Variants in CMTR1 observed in about 807,000 individuals in gnomAD.
The protein encoded by CMTR1 is cap methyltransferase 1.
A neutral mutation model predicts 107.0 loss-of-function variants in CMTR1; 39 were observed. The observed-to-expected ratio is 0.36, with a 90% CI of 0.28 to 0.48. The LOEUF is 0.48. CMTR1 is among the 20% of genes least tolerant of loss of function. The pLI, the probability that CMTR1 is intolerant of heterozygous loss-of-function variation, is 0.99. For missense variants in CMTR1, 672 were observed against 1,064.9 expected, an observed-to-expected ratio of 0.63 and a Z score of 5.14; for synonymous variants, 366 against 379.5, an observed-to-expected ratio of 0.96 and a Z score of 0.41.
At chr6:37,468,878 G>A (rs1449738449) in intron 13 of CMTR1, among the ~76,000 whole-genome samples, 5 of 150,180 alleles carry the variant, frequency 3.3e-5, no homozygotes, top group Admixed American at 6.7e-5. Context: ...GTAAGACTCC[G>A]TCTCAAAAAA....
chr6:37,427,103 G>A, the CMTR1 span, among the ~76,000 whole-genome samples: 4 of 152,330 alleles, frequency 2.6e-5, 1 homozygote, highest in Admixed American at 2.6e-4. The surrounding 1 kb of genome is among the most constrained non-coding windows in gnomAD (Gnocchi z 4.4). Flanking sequence ...ATATGGCTGA[G>A]TGGTGGTGGA....
Position 37,478,500 on chromosome 6 carries a change from T to C in CMTR1, c.2245T>C (p.Tyr749His), listed in dbSNP as rs746826936. ...DDRHFVPMGL[Y>H]IVRTVNEPWT... Reference sequence around the variant, plus strand: ...CCGGCACTTTGTACCCATGGGCCTCTACATCGTCAGGACAGTGAATGGTGG... The same window carrying C: ...CCGGCACTTTGTACCCATGGGCCTCCACATCGTCAGGACAGTGAATGGTGG... The change falls in exon 22 of 24, where the codon TAC (tyrosine) becomes CAC (histidine). Residue 749 changes from tyrosine (Y) to histidine (H), a missense_variant. Tyr to His is a moderately conservative substitution (Grantham distance 83, BLOSUM62 2). Transcript: ENST00000373451. 1 of 1,613,870 alleles carries C rather than the reference T, an allele frequency of 6.2e-7. No homozygotes were observed. The highest frequency in any genetic ancestry group is 8.5e-7 in the Non-Finnish European group (1 of 1,179,790).
At chr6:37,477,904 C>G (rs759511365) in intron 21 of CMTR1, among the ~76,000 whole-genome samples, 2 of 152,204 alleles carry the variant, frequency 1.3e-5, no homozygotes, top group African/African-American at 2.4e-5. Flanking sequence ...GTCATAGTTA[C>G]GATGGGCCCT....
At chr6:37,465,465 T>C (rs977728919) in intron 13 of CMTR1, among the ~76,000 whole-genome samples, 2 of 152,242 alleles carry the variant, frequency 1.3e-5, no homozygotes, top group African/African-American at 4.8e-5. Context: ...CAACTAATTA[T>C]ATTGAACCCC....
Position 37,446,363 on chromosome 6 carries a change from T to G in CMTR1, c.358T>G (p.Ser120Ala). The change falls in exon 4 of 24, where the codon TCC (serine) becomes GCC (alanine). Residue 120 changes from serine (S) to alanine (A), a missense_variant. By Grantham distance (99) the Ser-to-Ala change is moderately conservative. Around this residue, in one of 2 missense-constraint regions of CMTR1, gnomAD observed 583 missense variants for 968.4 expected, o/e 0.60. Transcript: ENST00000373451. ...SQGRKDIVEA[S>A]SQKGRRGLGL... is the part of the protein sequence containing the mutation. ...GGGTCGGAAGGACATCGTTGAGGCTTCCAGTCAGAAAGGTCGAAGAGGCTT... is the reference window on the plus strand; with the variant it reads ...GGGTCGGAAGGACATCGTTGAGGCTGCCAGTCAGAAAGGTCGAAGAGGCTT... 1 of 1,614,156 alleles carries G rather than the reference T, an allele frequency of 6.2e-7. No homozygotes were observed. Among genetic ancestry groups the G allele is most frequent in the Non-Finnish European group, 8.5e-7 (1 of 1,180,030 alleles).
chr6:37,465,989 T>G (rs949707455), intron 13 of CMTR1, among the ~76,000 whole-genome samples: 2 of 152,120 alleles, frequency 1.3e-5, no homozygotes, highest in Non-Finnish European at 2.9e-5. Context: ...AAAATTTTGA[T>G]GTAATCCAAT....
At chr6:37,462,596 G>A (rs1761422544) in intron 12 of CMTR1, among the ~76,000 whole-genome samples, 1 of 152,218 alleles carries the variant, frequency 6.6e-6, no homozygotes, top group African/African-American at 2.4e-5. Context: ...GACACAGCCC[G>A]TCTGTCACAG....
intron 20 of CMTR1, 82 bp downstream of exon 20, chr6:37,476,276 G>T: frequency 7.0e-7 from 1 of 1,428,058 alleles, no homozygotes; most frequent in Non-Finnish European, 9.9e-7. Flanking sequence ...GGAGGGCTCA[G>T]TGGAGGGCAC....
At chr6:37,475,947 A>G in intron 19 of CMTR1, 179 bp from the exon 20 acceptor site, 1 of 612,146 alleles carries the variant, frequency 1.6e-6, no homozygotes, top group Non-Finnish European at 2.9e-6. Flanking sequence ...GGCATGAATA[A>G]AGACGTCGGT....
At chr6:37,462,223 G>T in intron 12 of CMTR1, 121 bp downstream of exon 12, 2 of 1,177,076 alleles carry the variant, frequency 1.7e-6, no homozygotes, top group Admixed American at 1.9e-5. Flanking sequence ...TTAAAGAAGT[G>T]ATGAGAGCCA....
Position 37,458,864 on chromosome 6 carries a change from G to A in CMTR1, c.976+54G>A, listed in dbSNP as rs1299630883. The A allele has an allele frequency of 3.9e-6, 6 of 1,537,570 alleles. No individual in the cohort carries two copies. Among genetic ancestry groups the A allele is most frequent in the African/African-American group, 1.4e-5 (1 of 73,388 alleles). On this transcript the variant is annotated intron_variant, in intron 9 of 23. Transcript: ENST00000373451. The surrounding 1 kb of genome is among the most constrained non-coding windows in gnomAD (Gnocchi z 4.7). ...GTATGAGGGACAGCCCCTCTATGGG[G>A]ACTTCAGGTCAGAAGCAGTTGTTAT...
At chr6:37,479,368 G>T in intron 23 of CMTR1, 113 bp downstream of exon 23, 1 of 781,232 alleles carries the variant, frequency 1.3e-6, no homozygotes. Flanking sequence ...TGCCCATGCA[G>T]GGGTTCCCCT....
chr6:37,475,507 T>G lies in CMTR1; in HGVS notation c.2036+95T>G, dbSNP rs776724302. 10 of 987,244 alleles carry G rather than the reference T, an allele frequency of 1.0e-5. No homozygotes were observed. The South Asian group carries it at 1.2e-4, about 11-fold the overall frequency. The allele number at this position is 987,244 out of a possible 1,614,324, so 61.2% of individuals were successfully genotyped here. A position where few individuals can be genotyped will look rare whatever the true frequency, so the allele number is the denominator to read the frequency against. Reference sequence around the variant, plus strand: ...CGAGGTGTGGCCCCTTATCTAGGCCTTCTCTGCTTGTTGACATCCTGAGAG... The same window carrying G: ...CGAGGTGTGGCCCCTTATCTAGGCCGTCTCTGCTTGTTGACATCCTGAGAG... On this transcript the variant is annotated intron_variant, in intron 19 of 23. Coordinates refer to ENST00000373451, the MANE Select transcript of CMTR1 (RefSeq NM_015050.3).
Position 37,476,156 on chromosome 6 carries a change from C to T in CMTR1, c.2067C>T (p.Ala689=), listed in dbSNP as rs139170430. 1.6e-3 allele frequency: 2,600 copies of T among 1,614,062 alleles called. 3 individuals carry two copies. Among genetic ancestry groups the T allele is most frequent in the Admixed American group, 2.9e-3 (175 of 60,010 alleles). The part of the protein sequence containing the change: ...RIQLAEKFVK[A]VSKPSRPDMN... The stretch of plus-strand genomic sequence containing the variant: ...AGCTTGCCGAGAAATTTGTGAAAGC[C>T]GTTTCCAAGCCTAGTCGGCCCGACA... Residue 689 remains alanine (A), a synonymous_variant, in exon 20 of 24, where the codon GCC becomes GCT. Transcript: ENST00000373451.
chr6:37,474,939 C>G (rs965345743), intron 18 of CMTR1, among the ~76,000 whole-genome samples: 14 of 152,108 alleles, frequency 9.2e-5, no homozygotes, highest in Non-Finnish European at 2.1e-4. Context: ...AGTTTTTGAC[C>G]AGAGATCCCT....
chr6:37,471,065 T>C lies in CMTR1; in HGVS notation c.1550T>C (p.Phe517Ser). 1 of 1,607,434 alleles carries C rather than the reference T, an allele frequency of 6.2e-7. No homozygotes were observed. Among genetic ancestry groups the C allele is most frequent in the South Asian group, 1.1e-5 (1 of 89,864 alleles). The part of the protein sequence containing the change: ...QIKALAKIHA[F>S]VQDTTLSEPR... ...AAAGCTCTGGCGAAAATCCATGCCT[T>C]TGTTCAAGACACGTGAGTGTTGCCC... Residue 517 changes from phenylalanine to serine, a missense_variant, in exon 14 of 24, where the codon TTT becomes TCT. Coordinates refer to ENST00000373451, the MANE Select transcript of CMTR1 (RefSeq NM_015050.3).
the CMTR1 span, among the ~76,000 whole-genome samples, chr6:37,426,360 G>A: frequency 1.3e-5 from 2 of 151,848 alleles, no homozygotes; most frequent in African/African-American, 4.8e-5. Flanking sequence ...ATGAATTTTT[G>A]TTGGAAATTG....
chr6:37,425,209 TG>T, the CMTR1 span, among the ~76,000 whole-genome samples: 11,772 of 151,508 alleles, frequency 0.078, 498 homozygotes, highest in Non-Finnish European at 0.093. Flanking sequence ...CCCAAAGTGC[TG>T]GGAAATTTTT....
intron 13 of CMTR1, among the ~76,000 whole-genome samples, 195 bp from the exon 14 acceptor site, chr6:37,470,826 T>A (rs1761607824): frequency 6.6e-6 from 1 of 152,120 alleles, no homozygotes; most frequent in Non-Finnish European, 1.5e-5. Context: ...TGACCCAGTT[T>A]TCCTGTTCTA....
Sources: allele counts gnomAD v4.1 joint callset (sites outside exome capture counted in the v4.1 genomes callset), GRCh38; gene constraint gnomAD v4.1.1; regional missense constraint gnomAD v4.1.1; non-coding constraint Gnocchi (gnomAD v3.1); transcripts MANE v1.5; gene names NCBI Gene and HGNC (gene_info 2026-07-23, HGNC 2026-07-21).